The following GNAQ variants were observed in gnomAD, a reference collection of about 807,000 sequenced individuals.
GNAQ encodes the protein G protein subunit alpha q.
GNAQ carries 8 observed loss-of-function variants against 43.9 expected under a neutral mutation model. That is an observed-to-expected ratio of 0.18 (90% CI 0.11 to 0.33). GNAQ has a LOEUF of 0.33. Among genes scored for constraint, GNAQ ranks in the 10% least tolerant of loss-of-function variants. The pLI is 1.00. For synonymous variants in GNAQ, 155 were observed against 170.7 expected (o/e 0.91, Z 0.71); for missense variants, 158 against 450.8 (o/e 0.35, Z 5.88).
intron 2 of GNAQ, among the ~76,000 whole-genome samples, chr9:77,819,553 T>C (rs1170401349): frequency 6.6e-6 from 1 of 152,130 alleles, no homozygotes; most frequent in African/African-American, 2.4e-5. Context: ...AACTTCCACA[T>C]TTGTGGAAGC....
chr9:77,822,685 T>A (rs916283094), intron 2 of GNAQ, among the ~76,000 whole-genome samples: 10 of 148,370 alleles, frequency 6.7e-5, no homozygotes, highest in African/African-American at 2.2e-4. Flanking sequence ...ATAGGGAATA[T>A]CATCTTTCTG....
chr9:77,799,593 T>A (rs1386844961), intron 3 of GNAQ, among the ~76,000 whole-genome samples: 1 of 152,170 alleles, frequency 6.6e-6, no homozygotes, highest in Non-Finnish European at 1.5e-5. Context: ...AATTTGAAAC[T>A]GAATGTAAAA....
intron 2 of GNAQ, among the ~76,000 whole-genome samples, chr9:77,901,804 C>T (rs921240072): frequency 6.6e-6 from 1 of 152,176 alleles, no homozygotes; most frequent in African/African-American, 2.4e-5. Context: ...TTCTCACAGT[C>T]CTGGAGGCTA....
At chr9:77,853,519 C>CATG (rs994355860) in intron 2 of GNAQ, among the ~76,000 whole-genome samples, 1 of 151,932 alleles carries the variant, frequency 6.6e-6, no homozygotes, top group African/African-American at 2.4e-5. Flanking sequence ...GAAAGAAAAC[C>CATG]ATGGAAGCCA....
intron 2 of GNAQ, among the ~76,000 whole-genome samples, chr9:77,843,374 G>A (rs1827522753): frequency 1.3e-5 from 2 of 152,196 alleles, no homozygotes; most frequent in South Asian, 4.1e-4. Flanking sequence ...GCTAAGGTGA[G>A]AGACACAGCC....
intron 5 of GNAQ, among the ~76,000 whole-genome samples, chr9:77,732,122 T>C (rs1825499764): frequency 6.6e-6 from 1 of 152,092 alleles, no homozygotes; most frequent in Non-Finnish European, 1.5e-5. Context: ...AATTGAAATC[T>C]ATGAGGGAAC....
chr9:78,028,611 T>C (rs953094198), intron 1 of GNAQ, among the ~76,000 whole-genome samples: 1 of 152,236 alleles, frequency 6.6e-6, no homozygotes, highest in African/African-American at 2.4e-5. Flanking sequence ...AAAATACTTA[T>C]TCCTCCATAA....
rs1825905774 is a variant in GNAQ at position 77,756,506 on chromosome 9, T to G, written c.736-27839A>C. Among the ~76,000 whole-genome samples, 3 of 152,326 alleles carry G rather than the reference T, an allele frequency of 2.0e-5. No homozygotes were observed. In the South Asian group the frequency reaches 6.2e-4, roughly 32 times the overall value. ...TGGAAGCATTCTTTGAAGTTATAGG[T>G]GGGCAGGTTAGTAAGTTCTTACAAA... On this transcript the variant is annotated intron_variant, in intron 5 of 6. Coordinates refer to ENST00000286548, the MANE Select transcript of GNAQ (RefSeq NM_002072.5).
intron 2 of GNAQ, among the ~76,000 whole-genome samples, chr9:77,887,604 T>G (rs77778024): frequency 0.011 from 1,747 of 152,324 alleles, 28 homozygotes; most frequent in African/African-American, 0.034. Context: ...TGGAGTGCAC[T>G]ATTAGTGAAC....
intron 1 of GNAQ, among the ~76,000 whole-genome samples, chr9:78,007,902 T>C (rs1823726366): frequency 6.6e-6 from 1 of 152,256 alleles, no homozygotes; most frequent in South Asian, 2.1e-4. Context: ...GTATCCCCAC[T>C]GTAAACCTAG....
At chr9:77,910,635 T>A (rs1262914618) in intron 2 of GNAQ, among the ~76,000 whole-genome samples, 2 of 144,652 alleles carry the variant, frequency 1.4e-5, no homozygotes, top group African/African-American at 5.2e-5. Flanking sequence ...TAGAGTGCTA[T>A]TTTTTTTTTT....
intron 5 of GNAQ, among the ~76,000 whole-genome samples, chr9:77,746,699 G>A (rs762212866): frequency 6.6e-6 from 1 of 151,972 alleles, no homozygotes; most frequent in Non-Finnish European, 1.5e-5. Context: ...CAAAAAATTG[G>A]GTTATATAAC....
intron 5 of GNAQ, among the ~76,000 whole-genome samples, chr9:77,766,056 T>C (rs1411888857): frequency 6.6e-6 from 1 of 152,086 alleles, no homozygotes; most frequent in Non-Finnish European, 1.5e-5. Flanking sequence ...GATAGAATGG[T>C]GGTTGTGGGG....
chr9:77,929,058 A>C (rs565312653), intron 1 of GNAQ, among the ~76,000 whole-genome samples: 49 of 152,304 alleles, frequency 3.2e-4, no homozygotes, highest in African/African-American at 1.1e-3. Context: ...ATGGTATATA[A>C]ATATCTCAAT....
intron 2 of GNAQ, among the ~76,000 whole-genome samples, chr9:77,837,566 AT>A (rs1225464592): frequency 2.0e-5 from 3 of 151,860 alleles, no homozygotes; most frequent in African/African-American, 7.3e-5. Flanking sequence ...AAATAAATAG[AT>A]TTTTTTTAAA....
At chr9:77,758,773 G>T (rs1261070591) in intron 5 of GNAQ, among the ~76,000 whole-genome samples, 1 of 152,068 alleles carries the variant, frequency 6.6e-6, no homozygotes, top group African/African-American at 2.4e-5. Flanking sequence ...TTTTTAAAGA[G>T]CTTGAGTAAT....
chr9:77,967,237 C>G (rs1006130573), intron 1 of GNAQ, among the ~76,000 whole-genome samples: 1 of 152,174 alleles, frequency 6.6e-6, no homozygotes, highest in African/African-American at 2.4e-5. Flanking sequence ...GGGCTGACAA[C>G]AGCTCTCACA....
At chr9:77,934,658 G>A (rs531327075) in intron 1 of GNAQ, among the ~76,000 whole-genome samples, 65 of 152,294 alleles carry the variant, frequency 4.3e-4, no homozygotes, top group South Asian at 1.0e-3. Context: ...AGAATACTAA[G>A]AAGGACTTAT....
At chr9:77,912,320 T>C (rs1828821198) in intron 2 of GNAQ, among the ~76,000 whole-genome samples, 1 of 152,208 alleles carries the variant, frequency 6.6e-6, no homozygotes, top group South Asian at 2.1e-4. Flanking sequence ...GTCATTTCAA[T>C]AAATGAATTG....
Sources: allele counts gnomAD v4.1 joint callset (sites outside exome capture counted in the v4.1 genomes callset), GRCh38; gene constraint gnomAD v4.1.1; transcripts MANE v1.5; gene names NCBI Gene and HGNC (gene_info 2026-07-23, HGNC 2026-07-21).